TFG: variants seen among roughly 807,000 people sequenced by gnomAD.
The protein encoded by TFG is protein TFG.
TFG carries 22 observed loss-of-function variants against 51.4 expected under a neutral mutation model. The ratio of observed to expected loss-of-function variants is 0.43; its 90% CI spans 0.31 to 0.61. The LOEUF (loss-of-function observed/expected upper bound fraction) is 0.61. TFG is among the 20% of genes least tolerant of loss of function. The pLI, the probability that TFG is intolerant of heterozygous loss-of-function variation, is 0.12. For missense variants in TFG, 419 were observed against 487.7 expected (o/e 0.86, Z 1.33); for synonymous variants, 187 against 165.6 (o/e 1.13, Z -0.99).
intron 7 of TFG, among the ~76,000 whole-genome samples, chr3:100,747,873 T>G (rs1436682894): frequency 2.0e-5 from 3 of 152,344 alleles, no homozygotes; most frequent in South Asian, 2.1e-4. Context: ...TATAATTCTT[T>G]CATTTATCAT....
Position 100,713,722 on chromosome 3 carries a change from A to G in TFG, c.37A>G (p.Ile13Val), listed in dbSNP as rs200695895. 6.2e-7 allele frequency: 1 copy of G among 1,610,446 alleles called. No homozygotes were observed. The highest frequency in any genetic ancestry group is 8.5e-7 in the Non-Finnish European group (1 of 1,177,592). ...GTTGGATCTAAGTGGGAAGCTAATC[A>G]TCAAAGCTCAACTTGGGGAGGATAT... ...GQLDLSGKLI[I>V]KAQLGEDIRR... The change falls in exon 2 of 8, where the codon ATC (isoleucine) becomes GTC (valine). Residue 13 changes from isoleucine (I) to valine (V), a missense_variant. By Grantham distance (29) the Ile-to-Val change is conservative. This residue lies in a region of TFG where 22 missense variants were observed against 27.5 expected (regional missense o/e 0.80). Coordinates refer to ENST00000240851, the MANE Select transcript of TFG (RefSeq NM_006070.6).
At chr3:100,734,722 C>G (rs2095101881) in intron 5 of TFG, among the ~76,000 whole-genome samples, 1 of 152,110 alleles carries the variant, frequency 6.6e-6, no homozygotes, top group Non-Finnish European at 1.5e-5. Context: ...TTCTTAGAGA[C>G]TTTCATGGAA....
intron 6 of TFG, chr3:100,744,518 A>T (rs1439761076): frequency 4.8e-6 from 1 of 207,426 alleles, no homozygotes; most frequent in Non-Finnish European, 9.6e-6. Flanking sequence ...CTTTTAATGA[A>T]CATTAGCGTT....
intron 2 of TFG, 54 bp downstream of exon 2, chr3:100,713,923 A>AGAC: frequency 1.7e-6 from 2 of 1,193,010 alleles, no homozygotes; most frequent in Non-Finnish European, 2.3e-6. Context: ...AAAAAAAAAA[A>AGAC]AGACAGAGCC....
intron 5 of TFG, among the ~76,000 whole-genome samples, chr3:100,734,174 T>A (rs986579903): frequency 8.6e-5 from 13 of 151,414 alleles, no homozygotes; most frequent in Non-Finnish European, 1.8e-4. Flanking sequence ...TCAGAGTTTT[T>A]AATTTTTTTT....
chr3:100,741,102 C>T (rs1471217980), intron 6 of TFG, among the ~76,000 whole-genome samples: 5 of 152,030 alleles, frequency 3.3e-5, no homozygotes, highest in South Asian at 2.1e-4. Flanking sequence ...TGATAGGTGA[C>T]TCTCTTACTC....
intron 6 of TFG, among the ~76,000 whole-genome samples, chr3:100,741,081 C>T (rs2095119939): frequency 6.6e-6 from 1 of 152,070 alleles, no homozygotes; most frequent in South Asian, 2.1e-4. Flanking sequence ...GTACCTAATA[C>T]TTGATAATGA....
chr3:100,743,075 T>G (rs1483992175), intron 6 of TFG: 1 of 152,200 alleles, frequency 6.6e-6, no homozygotes, highest in Non-Finnish European at 1.5e-5. Flanking sequence ...TGGGATAATA[T>G]ATGCAAAATG....
At position 100,713,856 on chromosome 3, in the gene TFG, G is replaced by T; in HGVS notation, c.171G>T (p.Lys57Asn). Residue 57 changes from lysine (K) to asparagine (N), a missense_variant, in exon 2 of 8, where the codon AAG becomes AAT. Around this residue, in one of 3 missense-constraint regions of TFG, gnomAD observed 391 missense variants for 434.4 expected, o/e 0.90. Coordinates refer to ENST00000240851, the MANE Select transcript of TFG (RefSeq NM_006070.6). ...TGAGTAATGATGAAGTAACAATAAA[G>T]TATAAAGATGAAGGTAAGAGTGTTT... ...KLLSNDEVTIKYKDEDGDLIT... is the reference protein window; with the variant it reads ...KLLSNDEVTINYKDEDGDLIT... 1 of 1,499,802 alleles carries T rather than the reference G, an allele frequency of 6.7e-7. No individual in the cohort carries two copies. 92.9% of individuals were successfully genotyped at this position (1,499,802 alleles called of 1,614,324 possible). A position where few individuals can be genotyped will look rare whatever the true frequency, so the allele number is the denominator to read the frequency against.
intron 4 of TFG, 90 bp downstream of exon 4, chr3:100,728,948 CAT>C: frequency 8.8e-7 from 1 of 1,142,430 alleles, no homozygotes. Flanking sequence ...AGAAGGATGG[CAT>C]CCCCAATGTC....
At chr3:100,722,639 A>G (rs1390252575) in intron 3 of TFG, among the ~76,000 whole-genome samples, 1 of 152,228 alleles carries the variant, frequency 6.6e-6, no homozygotes, top group African/African-American at 2.4e-5. Flanking sequence ...GCCAGAGAGA[A>G]TAAGACTGAT....
chr3:100,731,722 AATTTTTGT>A (rs1355402458), intron 4 of TFG, among the ~76,000 whole-genome samples: 1 of 151,894 alleles, frequency 6.6e-6, no homozygotes, highest in East Asian at 1.9e-4. Context: ...GTGCCTAGCT[AATTTTTGT>A]ATTTTTGGTA....
intron 2 of TFG, among the ~76,000 whole-genome samples, chr3:100,718,549 G>GTTTTT (rs57611480): frequency 1.7e-5 from 1 of 60,072 alleles, no homozygotes; most frequent in African/African-American, 6.0e-5. Context: ...GTATTTCATG[G>GTTTTT]TTTTTTTTTT....
intron 6 of TFG, among the ~76,000 whole-genome samples, chr3:100,737,265 T>C (rs1576373265): frequency 6.6e-6 from 1 of 152,348 alleles, no homozygotes; most frequent in East Asian, 1.9e-4. Flanking sequence ...TCCTTGGATA[T>C]GCAGTTTAGT....
intron 3 of TFG, among the ~76,000 whole-genome samples, chr3:100,721,542 A>G (rs962091390): frequency 2.6e-5 from 4 of 152,240 alleles, no homozygotes; most frequent in Non-Finnish European, 5.9e-5. Flanking sequence ...GTCTCCCTTC[A>G]GGATTCATAA....
chr3:100,711,041 A>G (rs2095029626), intron 1 of TFG: 1 of 152,202 alleles, frequency 6.6e-6, no homozygotes, highest in Non-Finnish European at 1.5e-5. Flanking sequence ...TTTACAGTCA[A>G]TAGGAAACAC....
At chr3:100,721,977 C>T (rs1263944389) in intron 3 of TFG, among the ~76,000 whole-genome samples, 3 of 152,152 alleles carry the variant, frequency 2.0e-5, no homozygotes, top group African/African-American at 4.8e-5. Flanking sequence ...ACGGTAAAAC[C>T]CTATCTCTAC....
chr3:100,722,078 G>A (rs971208452), intron 3 of TFG, among the ~76,000 whole-genome samples: 1 of 152,172 alleles, frequency 6.6e-6, no homozygotes, highest in Admixed American at 6.5e-5. Context: ...TTGAACCTGG[G>A]AGGTGGAGGT....
chr3:100,734,905 CT>C (rs2095102346), intron 5 of TFG, among the ~76,000 whole-genome samples: 1 of 152,104 alleles, frequency 6.6e-6, no homozygotes, highest in South Asian at 2.1e-4. Context: ...GTATGCATAG[CT>C]AGGATACTTT....
Sources: gnomAD v4.1 joint callset for allele counts (sites outside exome capture counted in the v4.1 genomes callset) on GRCh38, gnomAD v4.1.1 for gene constraint, gnomAD v4.1.1 regional missense constraint, MANE v1.5 for transcripts, NCBI Gene and HGNC (gene_info 2026-07-23, HGNC 2026-07-21) for gene names.